Variants in CRTAC1 observed in about 807,000 individuals in gnomAD.
CRTAC1 encodes the protein acidic secreted protein in cartilage.
In CRTAC1, 37 loss-of-function variants were observed where a neutral mutation model predicts 67.8. The ratio of observed to expected loss-of-function variants is 0.55; its 90% confidence interval spans 0.42 to 0.72. The LOEUF (loss-of-function observed/expected upper bound fraction) is 0.72, where lower values mean the gene tolerates loss of function less well. Among genes scored for constraint, CRTAC1 ranks in the 30% least tolerant of loss-of-function variants. The pLI is 0.00. For missense variants in CRTAC1, 780 were observed against 931.6 expected (o/e 0.84, Z 2.12); for synonymous variants, 348 against 371.0 (o/e 0.94, Z 0.71).
At chr10:97,916,314 A>T (rs976959370) in intron 5 of CRTAC1, among the ~76,000 whole-genome samples, 71 of 152,312 alleles carry the variant, frequency 4.7e-4, no homozygotes, top group African/African-American at 1.7e-3. Flanking sequence ...TTTATTACTG[A>T]TACAGCCTTT....
At chr10:97,921,917 CA>C (rs2050845349) in intron 4 of CRTAC1, among the ~76,000 whole-genome samples, 1 of 136,028 alleles carries the variant, frequency 7.4e-6, no homozygotes, top group Admixed American at 7.5e-5. Flanking sequence ...TTTTTTTTTT[CA>C]TTTCACATAG....
intron 5 of CRTAC1, among the ~76,000 whole-genome samples, chr10:97,914,586 C>T (rs557317137): frequency 3.9e-5 from 6 of 152,198 alleles, no homozygotes; most frequent in Non-Finnish European, 7.3e-5. Context: ...GTCCCCTCAC[C>T]TGCTAGTTCA....
chr10:97,876,479 T>C (rs541703821), intron 14 of CRTAC1, among the ~76,000 whole-genome samples: 3 of 152,150 alleles, frequency 2.0e-5, no homozygotes, highest in Non-Finnish European at 4.4e-5. Context: ...TATTATTTCT[T>C]TTTTGTTGAA....
chr10:97,894,745 T>C (rs183722001), intron 11 of CRTAC1, among the ~76,000 whole-genome samples: 26,890 of 84,064 alleles, frequency 0.32, 5,770 homozygotes, highest in South Asian at 0.35. Flanking sequence ...TATATATATA[T>C]ATATATATAT....
chr10:97,961,047 C>T (rs1465282278), intron 2 of CRTAC1, among the ~76,000 whole-genome samples: 5 of 152,100 alleles, frequency 3.3e-5, no homozygotes, highest in East Asian at 3.8e-4. Flanking sequence ...CCAGGACCAT[C>T]GTGTCATTGT....
chr10:97,963,625 AT>A (rs1382036139), intron 2 of CRTAC1, among the ~76,000 whole-genome samples: 1 of 152,200 alleles, frequency 6.6e-6, no homozygotes. Context: ...TAAAACTCTG[AT>A]GGTTACTCAC....
At chr10:97,999,914 G>A (rs1416912006) in intron 2 of CRTAC1, among the ~76,000 whole-genome samples, 1 of 152,176 alleles carries the variant, frequency 6.6e-6, no homozygotes, top group African/African-American at 2.4e-5. Context: ...TGTCTGCAAA[G>A]AGAAGCCACC....
chr10:97,906,278 C>T (rs2050610751), intron 6 of CRTAC1, among the ~76,000 whole-genome samples: 1 of 152,208 alleles, frequency 6.6e-6, no homozygotes, highest in South Asian at 2.1e-4. Context: ...CTCTGCCAAA[C>T]TCCTCGGCCC....
At position 97,876,332 on chromosome 10, in the gene CRTAC1, G is replaced by A. The variant is rs145946828; in HGVS notation, c.1819+3917C>T. 1.4e-4 allele frequency among the ~76,000 whole-genome samples: 22 copies of A among 152,240 alleles called. 1 individual carries two copies. In the East Asian group the frequency reaches 4.1e-3, roughly 28 times the overall value. ...CTTGAGATTATTATGAGGATTAAAC[G>A]AGTTGATTATTGTAAAGAGTTTAGA... On this transcript the variant is annotated intron_variant, in intron 14 of 14. Transcript: ENST00000370597.
At chr10:97,969,816 A>T (rs2051678870) in intron 2 of CRTAC1, among the ~76,000 whole-genome samples, 1 of 152,110 alleles carries the variant, frequency 6.6e-6, no homozygotes, top group Non-Finnish European at 1.5e-5. Flanking sequence ...CAGTAGGCTT[A>T]GTCATTGGGT....
intron 2 of CRTAC1, among the ~76,000 whole-genome samples, chr10:97,962,427 G>T (rs915862308): frequency 6.6e-6 from 1 of 152,194 alleles, no homozygotes; most frequent in Non-Finnish European, 1.5e-5. Context: ...CCCTTGAAGA[G>T]CTTCACAGTC....
At chr10:97,923,028 G>A (rs1047563676) in intron 4 of CRTAC1, among the ~76,000 whole-genome samples, 1 of 152,214 alleles carries the variant, frequency 6.6e-6, no homozygotes, top group Non-Finnish European at 1.5e-5. Context: ...AGTGTCCCGA[G>A]GACACAATGA....
chr10:98,019,328 C>G (rs975113632), intron 1 of CRTAC1, among the ~76,000 whole-genome samples: 5 of 152,192 alleles, frequency 3.3e-5, no homozygotes, highest in African/African-American at 1.2e-4. Context: ...CAGCCAAAGG[C>G]CCTTCCATCA....
chr10:98,001,493 G>C (rs893752297), intron 2 of CRTAC1, among the ~76,000 whole-genome samples: 1 of 151,964 alleles, frequency 6.6e-6, no homozygotes, highest in African/African-American at 2.4e-5. Context: ...AACTCTGCCA[G>C]TTAAATGCAG....
rs1297899558 is a variant in CRTAC1, at chr10:97,908,094, A to G, written c.769T>C (p.Phe257Leu). ...TTAGGCCCATTCTCATTGTCGCAGA[A>G]GATATCCGAGGCACTGCTGCTGAGG... ...PILSSSASDI[F>L]CDNENGPNFL... Residue 257 changes from phenylalanine to leucine, a missense_variant, in exon 6 of 15, where the codon TTC becomes CTC. Physicochemically the swap from Phe to Leu is conservative, Grantham distance 22. Coordinates refer to ENST00000370597, the MANE Select transcript of CRTAC1 (RefSeq NM_018058.7). 6.2e-7 allele frequency: 1 copy of G among 1,614,170 alleles called. No homozygotes were observed. The highest frequency in any genetic ancestry group is 1.7e-5 in the Admixed American group (1 of 60,030).
At chr10:97,882,236 G>T (rs2050224935) in intron 13 of CRTAC1, among the ~76,000 whole-genome samples, 1 of 152,178 alleles carries the variant, frequency 6.6e-6, no homozygotes, top group Non-Finnish European at 1.5e-5. Context: ...CTTCTAGGCT[G>T]CCCCTTCCCA....
At chr10:98,020,627 GC>G (rs1214786456) in intron 1 of CRTAC1, among the ~76,000 whole-genome samples, 2 of 152,248 alleles carry the variant, frequency 1.3e-5, no homozygotes, top group Non-Finnish European at 2.9e-5. Flanking sequence ...GCCTGGGGAA[GC>G]TGGGGAAGGC....
At position 97,895,308 on chromosome 10, in the gene CRTAC1, T is replaced by G; in HGVS notation, c.1423A>C (p.Arg475=). 6.2e-7 allele frequency: 1 copy of G among 1,613,738 alleles called. No individual in the cohort carries two copies. Among genetic ancestry groups the G allele is most frequent in the South Asian group, 1.1e-5 (1 of 91,050 alleles). The change falls in exon 11 of 15, where the codon AGG becomes CGG. Residue 475 remains arginine, a synonymous_variant. Coordinates refer to ENST00000370597, the MANE Select transcript of CRTAC1 (RefSeq NM_018058.7). This position sits in a 1 kb window ranked among gnomAD's most constrained non-coding sequence, Gnocchi z 4.2. The part of the protein sequence containing the change: ...LYTKKSGAHL[R]IIDGGSGYLC... ...TAGCCTGAGCCCCCGTCGATGATCC[T>G]CAGGTGGGCCCCACTCTTCTTGGTG...
At chr10:97,947,376 G>T (rs946876144) in intron 2 of CRTAC1, among the ~76,000 whole-genome samples, 9 of 152,190 alleles carry the variant, frequency 5.9e-5, no homozygotes, top group Non-Finnish European at 1.2e-4. Flanking sequence ...TTTAATAAAG[G>T]TTTGTTTGAT....
Sources: allele counts gnomAD v4.1 joint callset (sites outside exome capture counted in the v4.1 genomes callset), GRCh38; gene constraint gnomAD v4.1.1; non-coding constraint Gnocchi (gnomAD v3.1); transcripts MANE v1.5; gene names NCBI Gene and HGNC (gene_info 2026-07-23, HGNC 2026-07-21).